MDGA2: variants seen among roughly 807,000 people sequenced by gnomAD.
MDGA2 encodes MAM domain-containing glycosylphosphatidylinositol anchor protein 2.
Under a neutral mutation model 117.8 loss-of-function variants are expected in MDGA2, and 40 were observed. The observed-to-expected ratio is 0.34, with a 90% confidence interval of 0.26 to 0.44. The LOEUF is 0.44. Among genes scored for constraint, MDGA2 ranks in the 20% least tolerant of loss-of-function variants. The pLI, the probability that MDGA2 is intolerant of heterozygous loss-of-function variation, is 1.00. For synonymous variants in MDGA2, 452 were observed against 439.0 expected, an observed-to-expected ratio of 1.03 and a Z score of -0.37; for missense variants, 1,123 against 1,250.6, an observed-to-expected ratio of 0.90 and a Z score of 1.54.
At chr14:47,173,546 A>G (rs1377733722) in intron 3 of MDGA2, among the ~76,000 whole-genome samples, 9 of 152,182 alleles carry the variant, frequency 5.9e-5, no homozygotes, top group East Asian at 5.8e-4. Flanking sequence ...ATCCAGCCAC[A>G]CTAAGCTTCA....
intron 3 of MDGA2, among the ~76,000 whole-genome samples, chr14:47,192,567 T>C (rs1235349993): frequency 6.6e-6 from 1 of 151,850 alleles, no homozygotes; most frequent in African/African-American, 2.4e-5. Context: ...GGAGGTGAGC[T>C]GAGATCACCC....
intron 1 of MDGA2, among the ~76,000 whole-genome samples, chr14:47,617,623 T>C (rs1896971056): frequency 2.0e-5 from 3 of 152,210 alleles, no homozygotes; most frequent in Admixed American, 2.0e-4. Context: ...AGGTCTCATA[T>C]AGTTTCTTTA....
intron 1 of MDGA2, among the ~76,000 whole-genome samples, chr14:47,304,345 T>C (rs1290801088): frequency 6.6e-6 from 1 of 152,168 alleles, no homozygotes; most frequent in Non-Finnish European, 1.5e-5. Flanking sequence ...CACTGGCCTA[T>C]TGTTCTTTTC....
intron 3 of MDGA2, chr14:47,200,602 G>A: frequency 8.7e-7 from 1 of 1,145,428 alleles, no homozygotes. Context: ...GAGTCTTGAA[G>A]ACCTCTGTAT....
chr14:47,131,354 T>C (rs1436153328), intron 5 of MDGA2, among the ~76,000 whole-genome samples: 1 of 152,016 alleles, frequency 6.6e-6, no homozygotes, highest in Non-Finnish European at 1.5e-5. Context: ...TTACTTAACT[T>C]TGAAAGCACA....
At chr14:47,077,881 T>A (rs374481904) in intron 6 of MDGA2, among the ~76,000 whole-genome samples, 19 of 152,110 alleles carry the variant, frequency 1.2e-4, no homozygotes, top group Middle Eastern at 3.4e-3. Context: ...CTTTTATGGT[T>A]CTCAGAAAAA....
At chr14:47,636,210 A>T (rs1349974762) in intron 1 of MDGA2, among the ~76,000 whole-genome samples, 1 of 152,166 alleles carries the variant, frequency 6.6e-6, no homozygotes, top group Middle Eastern at 3.2e-3. Flanking sequence ...AACTCCTAAA[A>T]CACATATATC....
intron 15 of MDGA2, among the ~76,000 whole-genome samples, chr14:46,851,526 T>C (rs1881055412): frequency 6.6e-6 from 1 of 151,804 alleles, no homozygotes; most frequent in African/African-American, 2.4e-5. Context: ...TAAGCAATAA[T>C]TGTATTTTCA....
chr14:47,400,943 G>A (rs1892132346), intron 1 of MDGA2, among the ~76,000 whole-genome samples: 1 of 150,344 alleles, frequency 6.7e-6, no homozygotes, highest in Admixed American at 6.6e-5. Flanking sequence ...ATTTTTAGTA[G>A]AGACGGGGTT....
At chr14:47,487,953 A>G (rs190732176) in intron 1 of MDGA2, among the ~76,000 whole-genome samples, 12 of 152,222 alleles carry the variant, frequency 7.9e-5, no homozygotes, top group Non-Finnish European at 1.6e-4. Flanking sequence ...TTGCCTATGA[A>G]GCATTGCAGC....
chr14:47,663,152 ATAACT>A (rs758168464), intron 1 of MDGA2, among the ~76,000 whole-genome samples: 3 of 152,368 alleles, frequency 2.0e-5, no homozygotes, highest in Admixed American at 1.3e-4. Context: ...ATTCTTGATA[ATAACT>A]TAACTCATTC....
At chr14:47,285,103 T>C (rs1000136530) in intron 2 of MDGA2, among the ~76,000 whole-genome samples, 3 of 152,126 alleles carry the variant, frequency 2.0e-5, no homozygotes, top group African/African-American at 7.2e-5. Context: ...GAGAAGTTTA[T>C]ACTTCATAGA....
chr14:47,582,040 A>G (rs1434430011), intron 1 of MDGA2, among the ~76,000 whole-genome samples: 8 of 151,866 alleles, frequency 5.3e-5, no homozygotes, highest in African/African-American at 1.9e-4. Context: ...TATCTATCTC[A>G]TATTGTTATT....
intron 3 of MDGA2, among the ~76,000 whole-genome samples, chr14:47,184,222 T>C (rs1051772146): frequency 1.3e-5 from 2 of 152,004 alleles, no homozygotes; most frequent in Non-Finnish European, 2.9e-5. Flanking sequence ...TTTAAACTCT[T>C]TTGCTTCGAT....
At chr14:47,487,771 T>C (rs934224280) in intron 1 of MDGA2, among the ~76,000 whole-genome samples, 19 of 152,220 alleles carry the variant, frequency 1.2e-4, no homozygotes, top group African/African-American at 4.6e-4. Context: ...TAAATCTTAA[T>C]TTATTGAAAA....
In MDGA2 at chr14:47,254,500, T is replaced by C. The variant is rs570745565; in HGVS notation, c.421-36305A>G. On this transcript the variant is annotated intron_variant, in intron 2 of 16. Coordinates refer to ENST00000399232, the MANE Select transcript of MDGA2 (RefSeq NM_001113498.3). Reference sequence around the variant, plus strand: ...TCCCAACAAGTTCCTCATCTTCATCTGAGATCACCTCGGACTGGACGTCAT... The same window carrying C: ...TCCCAACAAGTTCCTCATCTTCATCCGAGATCACCTCGGACTGGACGTCAT... Among the ~76,000 whole-genome samples, 34 of 152,314 alleles carry C rather than the reference T, an allele frequency of 2.2e-4. No individual in the cohort carries two copies. In the South Asian group the frequency reaches 6.6e-3, roughly 30 times the overall value.
chr14:47,232,197 G>A (rs1048475177), intron 2 of MDGA2, among the ~76,000 whole-genome samples: 1 of 152,076 alleles, frequency 6.6e-6, no homozygotes, highest in African/African-American at 2.4e-5. Flanking sequence ...GATGTGCTTT[G>A]TAAAGCATCA....
intron 1 of MDGA2, among the ~76,000 whole-genome samples, chr14:47,491,904 G>A (rs1360853891): frequency 6.6e-6 from 1 of 151,948 alleles, no homozygotes; most frequent in East Asian, 1.9e-4. Context: ...CCACAGTGTT[G>A]GGGTAGTGTT....
chr14:47,457,214 A>T (rs1423437610), intron 1 of MDGA2, among the ~76,000 whole-genome samples: 2 of 152,214 alleles, frequency 1.3e-5, no homozygotes, highest in Non-Finnish European at 2.9e-5. Flanking sequence ...ATTCTCCCAT[A>T]AAAGGAAATA....
Sources: allele counts gnomAD v4.1 joint callset (sites outside exome capture counted in the v4.1 genomes callset), GRCh38; gene constraint gnomAD v4.1.1; transcripts MANE v1.5; gene names NCBI Gene and HGNC (gene_info 2026-07-23, HGNC 2026-07-21).